The following REXO5 variants were observed in gnomAD, a reference collection of about 807,000 sequenced individuals.
The protein encoded by REXO5 is RNA exonuclease 5.
A neutral mutation model predicts 88.5 loss-of-function variants in REXO5; 48 were observed. That is an observed-to-expected ratio of 0.54 (90% CI 0.43 to 0.69). The LOEUF is 0.69. Among genes scored for constraint, REXO5 ranks in the 30% least tolerant of loss-of-function variants. The pLI is 0.00. For synonymous variants in REXO5, 311 were observed against 336.5 expected, an observed-to-expected ratio of 0.92 and a Z score of 0.83; for missense variants, 749 against 912.2, an observed-to-expected ratio of 0.82 and a Z score of 2.30.
intron 5 of REXO5, 97 bp downstream of exon 5, chr16:20,816,309 C>A: frequency 1.9e-6 from 2 of 1,032,214 alleles, no homozygotes; most frequent in Non-Finnish European, 2.8e-6. Context: ...TTCTAACTAG[C>A]TTAAGCACAA....
intron 5 of REXO5, among the ~76,000 whole-genome samples, chr16:20,820,544 A>ATATATATT (rs2081166591): frequency 7.5e-5 from 1 of 13,272 alleles, no homozygotes; most frequent in African/African-American, 2.8e-4. Flanking sequence ...ATATATATAT[A>ATATATATT]TTTTTTTTTT....
rs780596559 is a variant in REXO5 at position 20,814,909 on chromosome 16, G to T, written c.252-18G>T. 1 of 1,608,832 alleles carries T rather than the reference G, an allele frequency of 6.2e-7. No homozygotes were observed. The highest frequency in any genetic ancestry group is 2.2e-5 in the East Asian group (1 of 44,688). ...TAAGGCCATCTGTCTTAACTGTGTT[G>T]GTTTGATTTCTTGGCAGCTGGTGCC... is the stretch of plus-strand genomic sequence containing the variant. On this transcript the variant is annotated intron_variant, in intron 3 of 19. Coordinates refer to ENST00000261377, the MANE Select transcript of REXO5 (RefSeq NM_030941.3).
rs772848884 is a variant in REXO5, at chr16:20,849,465, A to G, written c.2310A>G (p.Pro770=). The change falls in exon 20 of 20, where the codon CCA becomes CCG. Residue 770 remains proline, a synonymous_variant. Coordinates refer to ENST00000261377, the MANE Select transcript of REXO5 (RefSeq NM_030941.3). ...AAGAGGAAGAAGAAAGCGCTGGCCCAGGCCTGTGTTCGTGAGTCGGCCTGC... is the reference window on the plus strand; with the variant it reads ...AAGAGGAAGAAGAAAGCGCTGGCCCGGGCCTGTGTTCGTGAGTCGGCCTGC... The part of the protein sequence containing the change: ...GIKEEEESAG[P]GLCS 4.6e-5 allele frequency: 74 copies of G among 1,613,974 alleles called. 1 individual carries two copies. Among genetic ancestry groups the G allele is most frequent in the Non-Finnish European group, 5.4e-5 (64 of 1,179,940 alleles).
At chr16:20,817,482 A>T (rs573205069) in intron 5 of REXO5, among the ~76,000 whole-genome samples, 9 of 152,328 alleles carry the variant, frequency 5.9e-5, no homozygotes, top group Non-Finnish European at 1.2e-4. Context: ...GGTGGTGATG[A>T]GAGACAAAGC....
chr16:20,821,653 T>A, intron 5 of REXO5, 109 bp from the exon 6 acceptor site: 1 of 1,052,010 alleles, frequency 9.5e-7, no homozygotes, highest in Non-Finnish European at 1.3e-6. Flanking sequence ...GGCTGAGTTT[T>A]ATACATCTTT....
intron 13 of REXO5, among the ~76,000 whole-genome samples, chr16:20,836,458 AG>A (rs1364944448): frequency 6.6e-6 from 1 of 152,118 alleles, no homozygotes; most frequent in African/African-American, 2.4e-5. Context: ...ACTGCTTTAT[AG>A]TTTTTTTTCC....
chr16:20,816,490 C>A (rs2081083979), intron 5 of REXO5, among the ~76,000 whole-genome samples: 1 of 151,828 alleles, frequency 6.6e-6, no homozygotes, highest in South Asian at 2.1e-4. Flanking sequence ...ACATCCCCAG[C>A]TAATTTTGTT....
At chr16:20,840,225 A>C in intron 14 of REXO5, 106 bp from the exon 15 acceptor site, 1 of 999,674 alleles carries the variant, frequency 1.0e-6, no homozygotes, top group Non-Finnish European at 1.4e-6. Context: ...TTTGGCAAGT[A>C]TTTATATCAA....
chr16:20,812,204 T>C (rs901954122), intron 2 of REXO5, among the ~76,000 whole-genome samples: 3 of 152,222 alleles, frequency 2.0e-5, no homozygotes, highest in African/African-American at 7.2e-5. Flanking sequence ...ACGAATTACT[T>C]TATTAAACAA....
At chr16:20,813,128 T>A (rs2081025468) in intron 2 of REXO5, 62 bp from the exon 3 acceptor site, 1 of 1,088,442 alleles carries the variant, frequency 9.2e-7, no homozygotes, top group Admixed American at 1.7e-5. Context: ...ATAATTTAAC[T>A]TGCTTTGTTG....
At chr16:20,833,535 T>G (rs2081379349) in intron 13 of REXO5, among the ~76,000 whole-genome samples, 1 of 151,570 alleles carries the variant, frequency 6.6e-6, no homozygotes, top group African/African-American at 2.4e-5. Flanking sequence ...TCTGTGTTTG[T>G]TTTTTTTTAA....
chr16:20,828,331 A>T (rs2081288104), intron 10 of REXO5, 104 bp from the exon 11 acceptor site: 1 of 715,184 alleles, frequency 1.4e-6, no homozygotes, highest in Admixed American at 2.4e-5. Context: ...AAATCTAATT[A>T]TCAGAATTCT....
At chr16:20,832,371 C>A in intron 12 of REXO5, 112 bp downstream of exon 12, 1 of 617,100 alleles carries the variant, frequency 1.6e-6, no homozygotes, top group Admixed American at 3.9e-5. Context: ...AAACTATTTA[C>A]CAAAAAATGA....
At chr16:20,826,545 G>A (rs1236772187) in intron 8 of REXO5, among the ~76,000 whole-genome samples, 1 of 152,196 alleles carries the variant, frequency 6.6e-6, no homozygotes, top group Non-Finnish European at 1.5e-5. Flanking sequence ...TGTCCTATTA[G>A]CAGACTTGAC....
chr16:20,830,335 T>C (rs758140276), intron 11 of REXO5, among the ~76,000 whole-genome samples: 23 of 151,860 alleles, frequency 1.5e-4, no homozygotes, highest in Non-Finnish European at 3.2e-4. Context: ...TACAGGTGCC[T>C]GCCACCACAC....
Position 20,830,990 on chromosome 16 carries a change from G to GTTT in REXO5, c.1159-1146_1159-1144dup, listed in dbSNP as rs11337519. On this transcript the variant is annotated intron_variant, in intron 11 of 19. Coordinates refer to ENST00000261377, the MANE Select transcript of REXO5 (RefSeq NM_030941.3). ...CACAAATCACTTTTTTTCTTTTTCTGTTTTTTTTTTTTTTTTTTTTTTGAG... is the reference window on the plus strand; with the variant it reads ...CACAAATCACTTTTTTTCTTTTTCTGTTTTTTTTTTTTTTTTTTTTTTTTTGAG... 1.8e-3 allele frequency among the ~76,000 whole-genome samples: 171 copies of GTTT among 97,054 alleles called. 1 individual carries two copies. The highest frequency in any genetic ancestry group is 2.8e-3 in the African/African-American group (72 of 26,078). The allele number at this position is 97,054 out of a possible 152,430, so 63.7% of individuals were successfully genotyped here. A position where few individuals can be genotyped will look rare whatever the true frequency, so the allele number is the denominator to read the frequency against.
At chr16:20,842,954 C>T (rs2081553059) in intron 15 of REXO5, among the ~76,000 whole-genome samples, 1 of 152,206 alleles carries the variant, frequency 6.6e-6, no homozygotes, top group African/African-American at 2.4e-5. Context: ...TTTTACATTC[C>T]TACCAGCAAA....
At position 20,833,049 on chromosome 16, in the gene REXO5, A is replaced by G; in HGVS notation, c.1309A>G (p.Thr437Ala). The G allele has an allele frequency of 6.2e-7, 1 of 1,613,290 alleles. No individual in the cohort carries two copies. The highest frequency in any genetic ancestry group is 8.5e-7 in the Non-Finnish European group (1 of 1,179,480). The change falls in exon 13 of 20, where the codon ACC becomes GCC. Residue 437 changes from threonine to alanine, a missense_variant. Thr to Ala is a moderately conservative substitution (Grantham distance 58). Coordinates refer to ENST00000261377, the MANE Select transcript of REXO5 (RefSeq NM_030941.3). ...DSVGQKLLFL[T>A]RETDAGELPS... ...AGTGGGTCAGAAGCTTCTTTTTTTG[A>G]CCCGGGAGACAGATGCTGGTGAACT... is the stretch of plus-strand genomic sequence containing the variant.
In REXO5 at chr16:20,844,654, C is replaced by T. The variant is rs751723948; in HGVS notation, c.1745C>T (p.Thr582Met). The T allele has an allele frequency of 1.9e-6, 3 of 1,614,050 alleles. No homozygotes were observed. Among genetic ancestry groups the T allele is most frequent in the Non-Finnish European group, 2.5e-6 (3 of 1,180,038 alleles). Residue 582 changes from threonine to methionine, a missense_variant, in exon 17 of 20, where the codon ACG becomes ATG. Coordinates refer to ENST00000261377, the MANE Select transcript of REXO5 (RefSeq NM_030941.3). ...IKVQRPVTEL[T>M]LDCDTLVNEL... ...GTGCAGAGGCCTGTGACAGAGCTCA[C>T]GCTTGATTGTGACACCCTCGTGAAT...
Sources: gnomAD v4.1 joint callset for allele counts (sites outside exome capture counted in the v4.1 genomes callset) on GRCh38, gnomAD v4.1.1 for gene constraint, MANE v1.5 for transcripts, NCBI Gene and HGNC (gene_info 2026-07-23, HGNC 2026-07-21) for gene names.